Variants in CIT observed in about 807,000 individuals in gnomAD.
The protein encoded by CIT is citron rho-interacting serine/threonine kinase, also known as citron Rho-interacting kinase.
Under a neutral mutation model 272.7 loss-of-function variants are expected in CIT, and 79 were observed. The ratio of observed to expected loss-of-function variants is 0.29; its 90% CI spans 0.24 to 0.35. The LOEUF is 0.35. Among genes scored for constraint, CIT ranks in the 10% least tolerant of loss-of-function variants. The pLI, the probability that CIT is intolerant of heterozygous loss-of-function variation, is 1.00. For synonymous variants in CIT, 948 were observed against 995.6 expected (o/e 0.95, Z 0.90); for missense variants, 1,909 against 2,618.3 (o/e 0.73, Z 5.91).
At chr12:119,847,679 T>C (rs1969912485) in intron 5 of CIT, among the ~76,000 whole-genome samples, 1 of 151,922 alleles carries the variant, frequency 6.6e-6, no homozygotes, top group Non-Finnish European at 1.5e-5. Flanking sequence ...TCATCTGAGG[T>C]CAGGAGTTTG....
At position 119,708,487 on chromosome 12, in the gene CIT, T is replaced by A. The variant is rs73412189; in HGVS notation, c.5072-169A>T. Among the ~76,000 whole-genome samples the A allele has an allele frequency of 0.14, 21,754 of 152,044 alleles. 3,571 individuals are homozygous for A. The highest frequency in any genetic ancestry group is 0.41 in the African/African-American group (16,839 of 41,384). ...TTTTAGGTCCATGATTTATTTATTT[T>A]TTTTTTTTAAATTTTTGAGACAGAG... On this transcript the variant is annotated intron_variant, in intron 39 of 47. Transcript: ENST00000392521.
chr12:119,782,927 G>C (rs1052153799), intron 12 of CIT: 2 of 268,022 alleles, frequency 7.5e-6, no homozygotes, highest in African/African-American at 4.4e-5. Context: ...GCATGTTCAG[G>C]ACTAAAACCT....
chr12:119,730,775 G>A (rs1958392939), intron 26 of CIT, 145 bp from the exon 27 acceptor site: 1 of 830,270 alleles, frequency 1.2e-6, no homozygotes, highest in African/African-American at 1.7e-5. Context: ...GTTCCAAACT[G>A]TCTTCCTTTC....
intron 3 of CIT, among the ~76,000 whole-genome samples, chr12:119,868,029 A>G (rs147781947): frequency 1.5e-3 from 232 of 152,272 alleles, no homozygotes; most frequent in African/African-American, 5.0e-3. Context: ...TGGAGTTTGA[A>G]ACCAGCCTGG....
chr12:119,751,033 C>T (rs1363371549), intron 23 of CIT, among the ~76,000 whole-genome samples: 1 of 151,926 alleles, frequency 6.6e-6, no homozygotes, highest in Non-Finnish European at 1.5e-5. Context: ...GAGAGGGCAC[C>T]CTGACCAGCA....
chr12:119,862,808 TAAAAAAA>T (rs1157467178), intron 3 of CIT, among the ~76,000 whole-genome samples: 34 of 10,240 alleles, frequency 3.3e-3, no homozygotes, highest in East Asian at 3.7e-3. Flanking sequence ...AGACTCTACC[TAAAAAAA>T]AAAAAAAAAA....
chr12:119,779,292 T>G (rs1350311031), intron 13 of CIT, among the ~76,000 whole-genome samples: 2 of 152,132 alleles, frequency 1.3e-5, no homozygotes, highest in Non-Finnish European at 2.9e-5. Context: ...TCGGTTTTTC[T>G]GGACCCCCTC....
Position 119,713,415 on chromosome 12 carries a change from C to T in CIT, c.4487+53G>A. The T allele has an allele frequency of 6.2e-6, 10 of 1,600,998 alleles. No individual in the cohort carries two copies. Among genetic ancestry groups the T allele is most frequent in the Non-Finnish European group, 8.5e-6 (10 of 1,170,636 alleles). ...ACACTTCCCTAGAAAACATCAGGGA[C>T]AGAGTGGCTTGTGCCAGCACCTGCT... On this transcript the variant is annotated intron_variant, in intron 34 of 47. Transcript: ENST00000392521. This position sits in a 1 kb window ranked among gnomAD's most constrained non-coding sequence, Gnocchi z 5.2.
chr12:119,730,391 T>G, intron 27 of CIT, 104 bp downstream of exon 27: 6 of 1,331,560 alleles, frequency 4.5e-6, no homozygotes, highest in Non-Finnish European at 6.1e-6. Flanking sequence ...CATATGTTTA[T>G]GAAATATGTT....
chr12:119,788,113 T>C (rs888600494), intron 10 of CIT, among the ~76,000 whole-genome samples: 3 of 152,226 alleles, frequency 2.0e-5, no homozygotes, highest in African/African-American at 7.2e-5. Context: ...TGATTATTCA[T>C]AGAAATGGGC....
chr12:119,834,082 T>C lies in CIT; in HGVS notation c.659+4A>G. ...CATAAAAATGCTACCAGAGTCTCAC[T>C]TACCGATGCACGTATCCCATCAGAT... On this transcript the variant is annotated splice_donor_region_variant and intron_variant, in intron 6 of 47. Transcript: ENST00000392521. 1.2e-6 allele frequency: 2 copies of C among 1,603,680 alleles called. No individual in the cohort carries two copies. Among genetic ancestry groups the C allele is most frequent in the Non-Finnish European group, 1.7e-6 (2 of 1,176,984 alleles).
chr12:119,777,665 G>A (rs189649019), intron 13 of CIT, among the ~76,000 whole-genome samples: 293 of 141,164 alleles, frequency 2.1e-3, no homozygotes, highest in African/African-American at 6.6e-3. Context: ...GCAAGACTCC[G>A]TCTCAAAAAA....
chr12:119,807,570 G>A (rs1593822349), intron 9 of CIT, among the ~76,000 whole-genome samples: 1 of 152,024 alleles, frequency 6.6e-6, no homozygotes, highest in South Asian at 2.1e-4. Context: ...ACACAGCACA[G>A]TGCCAGGTAC....
chr12:119,756,991 G>A (rs1485788875), intron 22 of CIT, among the ~76,000 whole-genome samples: 1 of 152,004 alleles, frequency 6.6e-6, no homozygotes, highest in East Asian at 1.9e-4. Context: ...GTGGTGCCAG[G>A]CGCCTGTAGT....
intron 9 of CIT, among the ~76,000 whole-genome samples, chr12:119,806,836 A>T (rs1966639766): frequency 3.3e-5 from 5 of 152,226 alleles, no homozygotes; most frequent in Non-Finnish European, 7.3e-5. Flanking sequence ...TTATCAAAGA[A>T]CATGACACTT....
At chr12:119,756,862 C>T (rs1043823842) in intron 22 of CIT, among the ~76,000 whole-genome samples, 6 of 152,124 alleles carry the variant, frequency 3.9e-5, no homozygotes, top group African/African-American at 1.4e-4. Flanking sequence ...GGCATGGTGG[C>T]TCACGCCTGT....
chr12:119,766,791 G>T (rs931118459), intron 19 of CIT, among the ~76,000 whole-genome samples: 2 of 150,894 alleles, frequency 1.3e-5, no homozygotes, highest in African/African-American at 4.9e-5. Context: ...AAAGAAAAAG[G>T]ATTATAGAAA....
intron 24 of CIT, among the ~76,000 whole-genome samples, chr12:119,737,909 C>CCA (rs1158683078): frequency 1.8e-4 from 28 of 151,444 alleles, no homozygotes; most frequent in African/African-American, 3.6e-4. Context: ...TTGGACACAC[C>CCA]CACACACACA....
intron 3 of CIT, among the ~76,000 whole-genome samples, chr12:119,864,671 T>C (rs144741511): frequency 7.4e-4 from 112 of 152,348 alleles, no homozygotes; most frequent in East Asian, 6.7e-3. Context: ...TGTATATTTT[T>C]TACACAAATT....
Sources: allele counts gnomAD v4.1 joint callset (sites outside exome capture counted in the v4.1 genomes callset), GRCh38; gene constraint gnomAD v4.1.1; non-coding constraint Gnocchi (gnomAD v3.1); transcripts MANE v1.5; gene names NCBI Gene and HGNC (gene_info 2026-07-23, HGNC 2026-07-21).